The following PACSIN2 variants were observed in gnomAD, a reference collection of about 807,000 sequenced individuals.
The protein encoded by PACSIN2 is protein kinase C and casein kinase substrate in neurons protein 2.
In PACSIN2, 25 loss-of-function variants were observed where a neutral mutation model predicts 63.8. The observed-to-expected ratio is 0.39, with a 90% CI of 0.29 to 0.55. The LOEUF is 0.55. Among genes scored for constraint, PACSIN2 ranks in the 20% least tolerant of loss-of-function variants. The probability of loss-of-function intolerance (pLI) is 0.62; values close to 1 mark genes in which losing one functional copy is unlikely to be tolerated. For synonymous variants in PACSIN2, 255 were observed against 256.2 expected (o/e 1.00, Z 0.05); for missense variants, 518 against 646.9 (o/e 0.80, Z 2.16).
At chr22:42,904,413 C>A (rs1473582055) in intron 2 of PACSIN2, among the ~76,000 whole-genome samples, 1 of 152,214 alleles carries the variant, frequency 6.6e-6, no homozygotes, top group Non-Finnish European at 1.5e-5. Flanking sequence ...TTTTTGCTCT[C>A]CCTCACTCCT....
intron 1 of PACSIN2, among the ~76,000 whole-genome samples, chr22:42,966,569 T>A (rs1920959513): frequency 6.6e-6 from 1 of 152,222 alleles, no homozygotes; most frequent in East Asian, 1.9e-4. Flanking sequence ...GTCCAAAGAT[T>A]TTTTTAACAG....
rs190747417 is a variant in PACSIN2 at position 42,952,854 on chromosome 22, C to T, written c.-77-40697G>A. Among the ~76,000 whole-genome samples the T allele has an allele frequency of 2.6e-3, 391 of 151,988 alleles. 6 individuals are homozygous for T. The highest frequency in any genetic ancestry group is 1.6e-3 in the Non-Finnish European group (112 of 67,962). The stretch of plus-strand genomic sequence containing the variant: ...ATTTTTGTGTGTTTTTTAGTAGAGA[C>T]GGGGTTTCTCCATATTGGACAGGCT... On this transcript the variant is annotated intron_variant, in intron 1 of 10. Transcript: ENST00000263246.
intron 2 of PACSIN2, among the ~76,000 whole-genome samples, chr22:42,902,011 T>C (rs899008708): frequency 2.0e-5 from 3 of 152,204 alleles, no homozygotes; most frequent in Non-Finnish European, 4.4e-5. Context: ...CATCACTCCA[T>C]TTCTGAGCGT....
intron 1 of PACSIN2, among the ~76,000 whole-genome samples, chr22:42,996,937 G>A (rs1433684483): frequency 6.6e-6 from 1 of 152,160 alleles, no homozygotes; most frequent in Non-Finnish European, 1.5e-5. Flanking sequence ...TAGGACACCT[G>A]GCACAAAATG....
chr22:43,014,593 A>T (rs1163288773), intron 1 of PACSIN2, among the ~76,000 whole-genome samples: 1 of 151,250 alleles, frequency 6.6e-6, no homozygotes, highest in East Asian at 2.0e-4. Flanking sequence ...TTTCTCCTAA[A>T]TCGCGTCCCT....
intron 5 of PACSIN2, 91 bp downstream of exon 5, chr22:42,888,552 T>C: frequency 2.3e-6 from 3 of 1,290,544 alleles, no homozygotes; most frequent in South Asian, 2.5e-5. Flanking sequence ...TATCCACCCA[T>C]TCACCCAAGC....
rs972665134 is a variant in PACSIN2, at chr22:42,869,869, C to T, written c.*1488G>A. 2 of 152,382 alleles carry T rather than the reference C, an allele frequency of 1.3e-5. No homozygotes were observed. Among genetic ancestry groups the T allele is most frequent in the Admixed American group, 1.3e-4 (2 of 15,282 alleles). 9.4% of individuals were successfully genotyped at this position (152,382 alleles called of 1,614,324 possible). On this transcript the variant is annotated 3_prime_UTR_variant, in exon 11 of 11. Coordinates refer to ENST00000263246, the MANE Select transcript of PACSIN2 (RefSeq NM_001184970.3). The stretch of plus-strand genomic sequence containing the variant: ...AAGACTTGACAATTTTTGGTAAATC[C>T]GTAGCACAGAAATGAGGATTTCTGC...
At chr22:42,901,382 G>A (rs1269568916) in intron 2 of PACSIN2, among the ~76,000 whole-genome samples, 2 of 152,370 alleles carry the variant, frequency 1.3e-5, no homozygotes, top group African/African-American at 2.4e-5. Context: ...CAAGTCTGCA[G>A]TTGGCAACGA....
chr22:42,992,379 A>T (rs1444192294), intron 1 of PACSIN2, among the ~76,000 whole-genome samples: 1 of 152,192 alleles, frequency 6.6e-6, no homozygotes, highest in African/African-American at 2.4e-5. Context: ...TACCCTAGCC[A>T]CCAAACCTAG....
intron 2 of PACSIN2, among the ~76,000 whole-genome samples, chr22:42,898,107 G>A (rs1930412861): frequency 6.6e-6 from 1 of 152,100 alleles, no homozygotes; most frequent in African/African-American, 2.4e-5. Context: ...GGGCTGCTCA[G>A]TGGAACCCAG....
At chr22:42,962,417 G>A (rs1934166662) in intron 1 of PACSIN2, among the ~76,000 whole-genome samples, 1 of 152,148 alleles carries the variant, frequency 6.6e-6, no homozygotes, top group African/African-American at 2.4e-5. Context: ...TCCCACAGCT[G>A]GCGCAAGGAG....
intron 1 of PACSIN2, among the ~76,000 whole-genome samples, chr22:42,917,149 G>C (rs1383012114): frequency 6.6e-6 from 1 of 152,244 alleles, no homozygotes; most frequent in African/African-American, 2.4e-5. Flanking sequence ...TTTCGCCATG[G>C]GCATTGTCAA....
intron 7 of PACSIN2, among the ~76,000 whole-genome samples, chr22:42,879,729 T>C (rs889103141): frequency 2.6e-5 from 4 of 152,280 alleles, no homozygotes; most frequent in Admixed American, 2.6e-4. Flanking sequence ...GCCTGCCATG[T>C]GGAAAGGCAG....
chr22:42,953,324 G>A (rs990937947), intron 1 of PACSIN2, among the ~76,000 whole-genome samples: 1 of 152,002 alleles, frequency 6.6e-6, no homozygotes, highest in African/African-American at 2.4e-5. Flanking sequence ...TGGAAAATGG[G>A]CATGATGAAA....
At chr22:42,967,631 G>A (rs922046025) in intron 1 of PACSIN2, among the ~76,000 whole-genome samples, 9 of 152,344 alleles carry the variant, frequency 5.9e-5, no homozygotes, top group African/African-American at 2.2e-4. Flanking sequence ...GCTCACGCCT[G>A]TAATCCCAGC....
chr22:42,954,911 G>A (rs1933850392), intron 1 of PACSIN2, among the ~76,000 whole-genome samples: 2 of 142,890 alleles, frequency 1.4e-5, no homozygotes, highest in Admixed American at 1.3e-4. Context: ...TAAATATGAT[G>A]TTCCTGAAGC....
At chr22:43,006,923 C>T (rs1188527043) in intron 1 of PACSIN2, among the ~76,000 whole-genome samples, 1 of 152,172 alleles carries the variant, frequency 6.6e-6, no homozygotes, top group Non-Finnish European at 1.5e-5. Context: ...CATTCCCACT[C>T]GAAAAGCCCT....
chr22:42,905,243 A>T (rs991385021), intron 2 of PACSIN2, among the ~76,000 whole-genome samples: 2 of 152,266 alleles, frequency 1.3e-5, no homozygotes, highest in Non-Finnish European at 2.9e-5. Context: ...CGGGGGGAAG[A>T]CAGGTCTGTC....
intron 1 of PACSIN2, chr22:42,959,734 G>C (rs75909891): frequency 6.6e-6 from 1 of 152,142 alleles, no homozygotes; most frequent in African/African-American, 2.4e-5. Context: ...AAACAATTCC[G>C]TGAAAATTCT....
Sources: gnomAD v4.1 joint callset for allele counts (sites outside exome capture counted in the v4.1 genomes callset) on GRCh38, gnomAD v4.1.1 for gene constraint, MANE v1.5 for transcripts, NCBI Gene and HGNC (gene_info 2026-07-23, HGNC 2026-07-21) for gene names.